The following GABRA2 variants were observed in gnomAD, a reference collection of about 807,000 sequenced individuals.
GABRA2 encodes the protein gamma-aminobutyric acid type A receptor subunit alpha2.
GABRA2 carries 16 observed loss-of-function variants against 48.7 expected under a neutral mutation model. The observed-to-expected ratio is 0.33, with a 90% CI of 0.22 to 0.50. The LOEUF is 0.50. Among genes scored for constraint, GABRA2 ranks in the 20% least tolerant of loss-of-function variants. The pLI, the probability that GABRA2 is intolerant of heterozygous loss-of-function variation, is 0.98. For synonymous variants in GABRA2, 185 were observed against 184.5 expected, an observed-to-expected ratio of 1.00 and a Z score of -0.02; for missense variants, 275 against 535.6, an observed-to-expected ratio of 0.51 and a Z score of 4.80.
intron 8 of GABRA2, among the ~76,000 whole-genome samples, chr4:46,279,544 T>C (rs1373424995): frequency 1.3e-5 from 2 of 152,114 alleles, no homozygotes; most frequent in East Asian, 3.9e-4. Context: ...TTCTTCCATA[T>C]AAAGAGTTAT....
At chr4:46,358,094 C>T (rs1444984592) in intron 3 of GABRA2, among the ~76,000 whole-genome samples, 3 of 152,090 alleles carry the variant, frequency 2.0e-5, no homozygotes, top group Non-Finnish European at 4.4e-5. Context: ...ATAGTAAGCA[C>T]TCAACAGGTG....
chr4:46,297,192 A>G (rs1724883762), intron 8 of GABRA2, among the ~76,000 whole-genome samples: 1 of 152,034 alleles, frequency 6.6e-6, no homozygotes, highest in African/African-American at 2.4e-5. Flanking sequence ...CATTTGATTC[A>G]GTGGACTGGG....
At position 46,245,336 on chromosome 4, in the gene GABRA2, G is replaced by A. The variant is rs1248295592; in HGVS notation, c.*4972C>T. On this transcript the variant is annotated 3_prime_UTR_variant, in exon 10 of 10. Transcript: ENST00000381620. Reference sequence around the variant, plus strand: ...AACCAGATATTTAACTTTTAGAAGAGCTTACACAAGCCTCCGTTGAGAAAC... The same window carrying A: ...AACCAGATATTTAACTTTTAGAAGAACTTACACAAGCCTCCGTTGAGAAAC... Among the ~76,000 whole-genome samples, 1 of 151,144 alleles carries A rather than the reference G, an allele frequency of 6.6e-6. No homozygotes were observed. Among genetic ancestry groups the A allele is most frequent in the Non-Finnish European group, 1.5e-5 (1 of 67,452 alleles).
At chr4:46,305,482 A>G in intron 7 of GABRA2, 86 bp downstream of exon 7, 1 of 1,276,986 alleles carries the variant, frequency 7.8e-7, no homozygotes, top group Non-Finnish European at 1.1e-6. Flanking sequence ...AGAGCAAAAG[A>G]TTTTAAGCAA....
chr4:46,318,111 G>A (rs1728848485), intron 4 of GABRA2, among the ~76,000 whole-genome samples: 1 of 151,118 alleles, frequency 6.6e-6, no homozygotes, highest in Admixed American at 6.6e-5. Context: ...TCTTTTAATT[G>A]CTGCAACATA....
chr4:46,383,508 T>C (rs1717038619), intron 3 of GABRA2, among the ~76,000 whole-genome samples: 2 of 152,192 alleles, frequency 1.3e-5, no homozygotes, highest in Admixed American at 1.3e-4. Flanking sequence ...AATCAATATT[T>C]AGTTGCTGAG....
intron 8 of GABRA2, among the ~76,000 whole-genome samples, chr4:46,285,212 A>G (rs981768247): frequency 1.3e-5 from 2 of 152,028 alleles, no homozygotes; most frequent in Admixed American, 6.6e-5. Context: ...TATTTACACA[A>G]AATAACTCAT....
In GABRA2 at chr4:46,384,221, T is replaced by C. The variant is rs559571062; in HGVS notation, c.187+1853A>G. On this transcript the variant is annotated intron_variant, in intron 3 of 9. Transcript: ENST00000381620. ...TCTACCAAAGGAAATGGGGAGCCAC[T>C]GTTGGCACTTGATCAAGAGAAGAGA... Among the ~76,000 whole-genome samples the C allele has an allele frequency of 4.1e-3, 621 of 152,232 alleles. 4 individuals carry two copies. The highest frequency in any genetic ancestry group is 6.1e-3 in the Non-Finnish European group (415 of 68,016).
chr4:46,244,758 C>G lies in GABRA2; in HGVS notation c.*5550G>C, dbSNP rs1713392300. The stretch of plus-strand genomic sequence containing the variant: ...ACATTAATCATTTTTAATACGTGAT[C>G]ATTACTTGTGAACCAAAAAAGAAAA... On this transcript the variant is annotated 3_prime_UTR_variant, in exon 10 of 10. Transcript: ENST00000381620. Among the ~76,000 whole-genome samples the G allele has an allele frequency of 6.6e-6, 1 of 151,402 alleles. No homozygotes were observed. Among genetic ancestry groups the G allele is most frequent in the South Asian group, 2.1e-4 (1 of 4,824 alleles).
chr4:46,340,993 CTG>C (rs1467270888), intron 3 of GABRA2, among the ~76,000 whole-genome samples: 2 of 151,854 alleles, frequency 1.3e-5, no homozygotes, highest in African/African-American at 4.8e-5. Context: ...ATTCTTCTGA[CTG>C]TACCAATTTG....
chr4:46,316,852 G>A (rs1728638555), intron 4 of GABRA2, among the ~76,000 whole-genome samples: 1 of 151,854 alleles, frequency 6.6e-6, no homozygotes, highest in Non-Finnish European at 1.5e-5. Context: ...GGCTCAACTG[G>A]CTTTTCTTTC....
chr4:46,331,697 A>T (rs76264367), intron 4 of GABRA2, among the ~76,000 whole-genome samples: 12,113 of 152,100 alleles, frequency 0.08, 617 homozygotes, highest in Non-Finnish European at 0.12. Context: ...ACATCAAACC[A>T]ATTTTCCTCA....
chr4:46,350,051 T>A (rs1734855980), intron 3 of GABRA2, among the ~76,000 whole-genome samples: 1 of 151,862 alleles, frequency 6.6e-6, no homozygotes. Context: ...ATATATATGA[T>A]CAAAATTTAT....
chr4:46,305,596 G>T lies in GABRA2; in HGVS notation c.675C>A (p.Ile225=). Residue 225 remains isoleucine (I), a synonymous_variant, in exon 7 of 10, where the codon ATC becomes ATA. Transcript: ENST00000381620. ...LNQYDLLGQS[I]GKETIKSSTG... ...TACTGGATTTAATTGTCTCCTTTCC[G>T]ATTGATTGGCCCAGCAGGTCATATT... is the stretch of plus-strand genomic sequence containing the variant. The T allele has an allele frequency of 5.0e-6, 8 of 1,613,662 alleles. No individual in the cohort carries two copies. The highest frequency in any genetic ancestry group is 6.8e-6 in the Non-Finnish European group (8 of 1,179,832).
At chr4:46,268,051 T>C (rs1485357126) in intron 8 of GABRA2, among the ~76,000 whole-genome samples, 1 of 140,362 alleles carries the variant, frequency 7.1e-6, no homozygotes, top group Non-Finnish European at 1.5e-5. Flanking sequence ...AAAAAATGTA[T>C]CTTGCTGATA....
chr4:46,326,372 C>T (rs1730375191), intron 4 of GABRA2, among the ~76,000 whole-genome samples: 3 of 151,872 alleles, frequency 2.0e-5, no homozygotes, highest in Admixed American at 6.6e-5. Context: ...CATACAGTTA[C>T]CCAGTTACCA....
intron 3 of GABRA2, among the ~76,000 whole-genome samples, chr4:46,344,681 A>C (rs1733849243): frequency 6.6e-6 from 1 of 151,784 alleles, no homozygotes; most frequent in Non-Finnish European, 1.5e-5. Flanking sequence ...ACATTAACTA[A>C]AGGGGATTGG....
Position 46,248,222 on chromosome 4 carries a change from T to C in GABRA2, c.*2086A>G, listed in dbSNP as rs899328568. Among the ~76,000 whole-genome samples, 1 of 151,396 alleles carries C rather than the reference T, an allele frequency of 6.6e-6. No individual in the cohort carries two copies. The highest frequency in any genetic ancestry group is 1.5e-5 in the Non-Finnish European group (1 of 67,572). On this transcript the variant is annotated 3_prime_UTR_variant, in exon 10 of 10. Coordinates refer to ENST00000381620, the MANE Select transcript of GABRA2 (RefSeq NM_000807.4). ...CTTTACAAGACAAATATTCTTAAAG[T>C]ATCTAATAATGCATACCATATAGAG... is the stretch of plus-strand genomic sequence containing the variant.
intron 8 of GABRA2, among the ~76,000 whole-genome samples, chr4:46,288,469 A>C (rs1722975868): frequency 6.6e-6 from 1 of 152,192 alleles, no homozygotes; most frequent in Non-Finnish European, 1.5e-5. Flanking sequence ...TGGGAAAAGG[A>C]TTCCCCATTA....
Sources: allele counts gnomAD v4.1 joint callset (sites outside exome capture counted in the v4.1 genomes callset), GRCh38; gene constraint gnomAD v4.1.1; transcripts MANE v1.5; gene names NCBI Gene and HGNC (gene_info 2026-07-23, HGNC 2026-07-21).